The following CEACAM4 variants were observed in gnomAD, a reference collection of about 807,000 sequenced individuals.
CEACAM4 encodes cell adhesion molecule CEACAM4.
In CEACAM4, 30 loss-of-function variants were observed where a neutral mutation model predicts 28.7. The observed-to-expected ratio is 1.05, with a 90% CI of 0.78 to 1.42. The LOEUF (loss-of-function observed/expected upper bound fraction) is 1.42. Among genes scored for constraint, CEACAM4 ranks in the 40% most tolerant of loss-of-function variants. The pLI, the probability that CEACAM4 is intolerant of heterozygous loss-of-function variation, is 0.00. For missense variants in CEACAM4, 330 were observed against 308.2 expected, an observed-to-expected ratio of 1.07 and a Z score of -0.53; for synonymous variants, 143 against 126.5, an observed-to-expected ratio of 1.13 and a Z score of -0.87.
chr19:41,620,436 G>T, intron 4 of CEACAM4, 139 bp downstream of exon 4: 1 of 871,876 alleles, frequency 1.1e-6, no homozygotes, highest in Non-Finnish European at 1.7e-6. Context: ...AGACAGTCGG[G>T]GTCCCCTGTG....
At position 41,619,490 on chromosome 19, in the gene CEACAM4, G is replaced by A. The variant is rs951569190; in HGVS notation, c.670-95C>T. The A allele has an allele frequency of 5.1e-6, 8 of 1,576,168 alleles. No homozygotes were observed. The Admixed American group carries it at 1.2e-4, about 25-fold the overall frequency. Reference sequence around the variant, plus strand: ...CTGGGCCCACCCAGGGCTTCTCTGGGGCTGAACCTGGCTGTGCTCAGGGGG... The same window carrying A: ...CTGGGCCCACCCAGGGCTTCTCTGGAGCTGAACCTGGCTGTGCTCAGGGGG... On this transcript the variant is annotated intron_variant, in intron 6 of 6. Transcript: ENST00000221954.
At chr19:41,617,583 C>T (rs753755632), downstream of CEACAM4, among the ~76,000 whole-genome samples, 13 of 152,144 alleles carry the variant, frequency 8.5e-5, no homozygotes, top group Non-Finnish European at 1.9e-4. Flanking sequence ...AAAATAACCA[C>T]AAGGCTCCTT....
downstream of CEACAM4, among the ~76,000 whole-genome samples, chr19:41,615,153 G>T (rs904943932): frequency 5.3e-5 from 8 of 152,054 alleles, no homozygotes; most frequent in Non-Finnish European, 1.2e-4. Context: ...GCTGGGCGGT[G>T]AACAGAGGTG....
At chr19:41,623,582 G>A (rs1555802660) in intron 2 of CEACAM4, among the ~76,000 whole-genome samples, 1 of 151,858 alleles carries the variant, frequency 6.6e-6, no homozygotes, top group East Asian at 1.9e-4. Context: ...TAGAGTCTGT[G>A]CCCTGGGCTG....
At chr19:41,623,269 C>T (rs562372707) in intron 2 of CEACAM4, among the ~76,000 whole-genome samples, 9 of 152,242 alleles carry the variant, frequency 5.9e-5, no homozygotes, top group East Asian at 3.9e-4. Flanking sequence ...CTGCCTGCCT[C>T]GGCCTCCCAA....
downstream of CEACAM4, among the ~76,000 whole-genome samples, chr19:41,618,689 C>T (rs151334977): frequency 5.4e-4 from 83 of 152,294 alleles, 1 homozygote; most frequent in Non-Finnish European, 1.0e-3. Flanking sequence ...CTTTTGTGGA[C>T]ATCAGATGGC....
At chr19:41,623,259 C>T (rs1013989950) in intron 2 of CEACAM4, among the ~76,000 whole-genome samples, 29 of 152,252 alleles carry the variant, frequency 1.9e-4, no homozygotes, top group African/African-American at 6.3e-4. Context: ...CTCAGGTGAT[C>T]TGCCTGCCTC....
downstream of CEACAM4, among the ~76,000 whole-genome samples, chr19:41,614,773 G>C (rs2070966943): frequency 6.6e-6 from 1 of 152,156 alleles, no homozygotes; most frequent in South Asian, 2.1e-4. Flanking sequence ...GGCTGACAGT[G>C]AGTGGTGGGT....
chr19:41,617,599 T>G (rs1181181252), downstream of CEACAM4, among the ~76,000 whole-genome samples: 1 of 152,092 alleles, frequency 6.6e-6, no homozygotes, highest in Non-Finnish European at 1.5e-5. Flanking sequence ...TCCTTCCTTT[T>G]AAGTGAGAGA....
At chr19:41,625,507 A>C (rs2071579302) in intron 2 of CEACAM4, 94 bp downstream of exon 2, 1 of 1,423,280 alleles carries the variant, frequency 7.0e-7, no homozygotes, top group Admixed American at 2.2e-5. Context: ...GACAAAATGC[A>C]GAGGGGGATG....
chr19:41,618,682 T>TG (rs1369813282), downstream of CEACAM4, among the ~76,000 whole-genome samples: 1 of 152,276 alleles, frequency 6.6e-6, no homozygotes, highest in East Asian at 1.9e-4. Context: ...TGCTCACCTT[T>TG]TGTGGACATC....
chr19:41,622,889 G>GATAT (rs1397140514), intron 2 of CEACAM4, among the ~76,000 whole-genome samples: 2 of 125,826 alleles, frequency 1.6e-5, no homozygotes, highest in Non-Finnish European at 3.1e-5. Context: ...TAGATAGATA[G>GATAT]ATAGATAGAT....
intron 2 of CEACAM4, among the ~76,000 whole-genome samples, chr19:41,624,950 G>C (rs2071541559): frequency 6.6e-6 from 1 of 152,176 alleles, no homozygotes; most frequent in African/African-American, 2.4e-5. Flanking sequence ...TCTCCCCTCT[G>C]TTCCTACCCC....
At chr19:41,618,024 C>CTTGGGACCTGTGGCAGTGGCAGAACACTT (rs2071027773), downstream of CEACAM4, among the ~76,000 whole-genome samples, 8 of 152,196 alleles carry the variant, frequency 5.3e-5, no homozygotes, top group Admixed American at 2.6e-4. Flanking sequence ...GCAGAACACT[C>CTTGGGACCTGTGGCAGTGGCAGAACACTT]TTGGGAACTG....
chr19:41,619,025 G>T lies in CEACAM4; in HGVS notation c.*305C>A. On this transcript the variant is annotated 3_prime_UTR_variant, in exon 7 of 7. Transcript: ENST00000221954. ...CAGAAAAAGAGCCAATGAGAGGAAG[G>T]GTCCTCTTTATTCAGATCCTTTCCT... The T allele has an allele frequency of 7.5e-6, 3 of 401,808 alleles. No individual in the cohort carries two copies. The highest frequency in any genetic ancestry group is 8.8e-6 in the Non-Finnish European group (2 of 227,094). The allele number at this position is 401,808 out of a possible 1,614,324, so 24.9% of individuals were successfully genotyped here. A position where few individuals can be genotyped will look rare whatever the true frequency, so the allele number is the denominator to read the frequency against.
downstream of CEACAM4, among the ~76,000 whole-genome samples, chr19:41,616,873 C>A (rs782209801): frequency 2.0e-5 from 3 of 152,170 alleles, no homozygotes; most frequent in Non-Finnish European, 2.9e-5. Context: ...GGGAGACTCA[C>A]CATGAGGCCA....
downstream of CEACAM4, among the ~76,000 whole-genome samples, chr19:41,617,187 G>A (rs1555799047): frequency 6.6e-6 from 1 of 152,142 alleles, no homozygotes; most frequent in East Asian, 1.9e-4. Context: ...CTATTGAAGG[G>A]CCGGTGAGTT....
At chr19:41,618,057 C>T (rs1310689422), downstream of CEACAM4, among the ~76,000 whole-genome samples, 1 of 103,816 alleles carries the variant, frequency 9.6e-6, no homozygotes, top group Non-Finnish European at 2.4e-5. Context: ...TTAGTGCAGG[C>T]ACCAGCTCAC....
At chr19:41,619,774 GA>G in intron 5 of CEACAM4, 63 bp from the exon 6 acceptor site, 1 of 1,372,366 alleles carries the variant, frequency 7.3e-7, no homozygotes. Context: ...GCCCAGCCTG[GA>G]AGGTTCCTGT....
Sources: gnomAD v4.1 joint callset for allele counts (sites outside exome capture counted in the v4.1 genomes callset) on GRCh38, gnomAD v4.1.1 for gene constraint, MANE v1.5 for transcripts, NCBI Gene and HGNC (gene_info 2026-07-23, HGNC 2026-07-21) for gene names.